The following STXBP5L variants were observed in gnomAD, a reference collection of about 807,000 sequenced individuals.
The protein encoded by STXBP5L is syntaxin binding protein 5L, also known as syntaxin-binding protein 5-like.
Under a neutral mutation model 144.5 loss-of-function variants are expected in STXBP5L, and 65 were observed. The observed-to-expected ratio is 0.45, with a 90% confidence interval of 0.37 to 0.55. The LOEUF is 0.55. STXBP5L is among the 20% of genes least tolerant of loss of function. The pLI is 0.00. For synonymous variants in STXBP5L, 505 were observed against 469.6 expected, an observed-to-expected ratio of 1.08 and a Z score of -0.97; for missense variants, 1,298 against 1,405.5, an observed-to-expected ratio of 0.92 and a Z score of 1.22.
intron 3 of STXBP5L, among the ~76,000 whole-genome samples, chr3:121,016,702 T>G (rs898130822): frequency 1.3e-5 from 2 of 152,162 alleles, no homozygotes; most frequent in Non-Finnish European, 2.9e-5. Flanking sequence ...CTATATTTGA[T>G]CTTTGAAAGA....
At chr3:121,005,978 G>C (rs938558167) in intron 3 of STXBP5L, among the ~76,000 whole-genome samples, 1 of 152,058 alleles carries the variant, frequency 6.6e-6, no homozygotes, top group Non-Finnish European at 1.5e-5. Flanking sequence ...CCAACTATGT[G>C]GTCACTTTTG....
At position 121,010,880 on chromosome 3, in the gene STXBP5L, A is replaced by G. The variant is rs537483713; in HGVS notation, c.288-30820A>G. ...TAGGTTGAGAAGGAGATGGAAGAGA[A>G]GGGGTTTGTCTTGCTGTCTGGGGTG... On this transcript the variant is annotated intron_variant, in intron 3 of 26. Coordinates refer to ENST00000471454, the MANE Select transcript of STXBP5L (RefSeq NM_001308330.2). 2.0e-5 allele frequency among the ~76,000 whole-genome samples: 3 copies of G among 151,758 alleles called. No individual in the cohort carries two copies. In the East Asian group the frequency reaches 5.8e-4, roughly 29 times the overall value.
intron 19 of STXBP5L, among the ~76,000 whole-genome samples, chr3:121,302,577 T>C (rs1194815865): frequency 1.3e-5 from 2 of 152,224 alleles, no homozygotes; most frequent in Non-Finnish European, 1.5e-5. Flanking sequence ...ATTTCTTGCC[T>C]TCTGCTAGCT....
chr3:121,139,441 A>G (rs1029684225), intron 7 of STXBP5L, among the ~76,000 whole-genome samples: 10 of 152,092 alleles, frequency 6.6e-5, no homozygotes, highest in African/African-American at 2.4e-4. Flanking sequence ...ATTACACATG[A>G]AACAATTAAG....
chr3:121,237,412 G>A (rs2108326283), intron 12 of STXBP5L, among the ~76,000 whole-genome samples: 1 of 152,314 alleles, frequency 6.6e-6, no homozygotes, highest in African/African-American at 2.4e-5. Flanking sequence ...TGGTGCCCTA[G>A]GCCTGTCCCC....
At chr3:121,298,555 A>G (rs532406644) in intron 19 of STXBP5L, among the ~76,000 whole-genome samples, 13 of 152,220 alleles carry the variant, frequency 8.5e-5, no homozygotes, top group Non-Finnish European at 1.8e-4. Context: ...TGTGGTAGAT[A>G]CATACAATGG....
intron 3 of STXBP5L, among the ~76,000 whole-genome samples, chr3:120,970,547 T>C (rs1210111839): frequency 2.0e-5 from 3 of 152,150 alleles, no homozygotes; most frequent in Admixed American, 2.0e-4. Flanking sequence ...CTGCAATCTG[T>C]ATTCAGGATG....
At chr3:121,007,134 A>T (rs531590117) in intron 3 of STXBP5L, among the ~76,000 whole-genome samples, 1 of 151,950 alleles carries the variant, frequency 6.6e-6, no homozygotes, top group African/African-American at 2.4e-5. Flanking sequence ...GCTTTTTAAA[A>T]GTTATTGAAA....
At chr3:121,228,016 T>C (rs2049175659) in intron 11 of STXBP5L, among the ~76,000 whole-genome samples, 1 of 152,172 alleles carries the variant, frequency 6.6e-6, no homozygotes, top group African/African-American at 2.4e-5. Context: ...AAGGCTTAAC[T>C]TAAGATTTGG....
intron 7 of STXBP5L, among the ~76,000 whole-genome samples, chr3:121,124,391 A>G (rs1448602472): frequency 6.6e-6 from 1 of 152,008 alleles, no homozygotes; most frequent in Non-Finnish European, 1.5e-5. Flanking sequence ...TATAACTTAT[A>G]GAAAATTTAC....
chr3:120,990,573 G>A (rs1379657652), intron 3 of STXBP5L, among the ~76,000 whole-genome samples: 1 of 151,878 alleles, frequency 6.6e-6, no homozygotes, highest in Admixed American at 6.6e-5. Context: ...CAAGGCTACA[G>A]TAACCAAAAC....
At position 121,065,070 on chromosome 3, in the gene STXBP5L, ATT is replaced by A. The variant is rs34433284; in HGVS notation, c.470+19546_470+19547del. On this transcript the variant is annotated intron_variant, in intron 5 of 26. Coordinates refer to ENST00000471454, the MANE Select transcript of STXBP5L (RefSeq NM_001308330.2). ...CATTCTTGTGGCTGCAAAGGTTGTG[ATT>A]TTTTTTTTTTATGGCTGCATAGTAT... 3.4e-3 allele frequency among the ~76,000 whole-genome samples: 492 copies of A among 145,678 alleles called. 3 individuals carry two copies. Among genetic ancestry groups the A allele is most frequent in the South Asian group, 0.011 (53 of 4,612 alleles).
chr3:121,396,457 C>T (rs2046732049), intron 22 of STXBP5L, among the ~76,000 whole-genome samples: 1 of 152,188 alleles, frequency 6.6e-6, no homozygotes, highest in East Asian at 1.9e-4. Flanking sequence ...TTAACACAGG[C>T]AGAGACTCTT....
intron 3 of STXBP5L, among the ~76,000 whole-genome samples, chr3:121,036,790 TTTA>T (rs1439766183): frequency 1.6e-5 from 2 of 121,698 alleles, no homozygotes; most frequent in Non-Finnish European, 3.2e-5. Flanking sequence ...TTTTTTTTTT[TTTA>T]TTATACTCTA....
At chr3:121,024,853 T>G (rs1038651889) in intron 3 of STXBP5L, among the ~76,000 whole-genome samples, 42 of 152,172 alleles carry the variant, frequency 2.8e-4, no homozygotes, top group African/African-American at 9.6e-4. Context: ...CTTGAGCAAT[T>G]GATTTAGAAA....
chr3:121,119,460 C>A (rs904830917), intron 6 of STXBP5L, among the ~76,000 whole-genome samples: 6 of 150,890 alleles, frequency 4.0e-5, no homozygotes, highest in Admixed American at 4.0e-4. Flanking sequence ...AATGAAAAGC[C>A]CATAATGGAA....
intron 5 of STXBP5L, among the ~76,000 whole-genome samples, chr3:121,107,126 G>A (rs1200131364): frequency 1.3e-5 from 2 of 150,954 alleles, no homozygotes; most frequent in Non-Finnish European, 2.9e-5. Flanking sequence ...TAAATTCCTT[G>A]TAGATTCTGG....
rs755390401 is a variant in STXBP5L, at chr3:121,378,869, T to C, written c.2330T>C (p.Leu777Ser). The change falls in exon 21 of 27, where the codon TTA becomes TCA. Residue 777 changes from leucine (L) to serine (S), a missense_variant. Coordinates refer to ENST00000471454, the MANE Select transcript of STXBP5L (RefSeq NM_001308330.2). ...TCAGCAGCCTGCATGGAGATTTCTT[T>C]ACCAGTTACAACAGAAGGTATGTTA... ...AQSAACMEIS[L>S]PVTTEENREN... The C allele has an allele frequency of 4.3e-6, 7 of 1,613,228 alleles. No individual in the cohort carries two copies. The highest frequency in any genetic ancestry group is 1.3e-5 in the African/African-American group (1 of 74,888).
chr3:121,129,935 A>T (rs2044896749), intron 7 of STXBP5L, among the ~76,000 whole-genome samples: 1 of 152,090 alleles, frequency 6.6e-6, no homozygotes, highest in African/African-American at 2.4e-5. Flanking sequence ...CATCTCCTCT[A>T]AATTAAAGCA....
Sources: gnomAD v4.1 joint callset for allele counts (sites outside exome capture counted in the v4.1 genomes callset) on GRCh38, gnomAD v4.1.1 for gene constraint, MANE v1.5 for transcripts, NCBI Gene and HGNC (gene_info 2026-07-23, HGNC 2026-07-21) for gene names.